Variants in MCF2L2 observed in about 807,000 individuals in gnomAD.
The protein encoded by MCF2L2 is MCF.2 cell line derived transforming sequence-like 2, also known as probable guanine nucleotide exchange factor MCF2L2.
In MCF2L2, 102 loss-of-function variants were observed where a neutral mutation model predicts 150.2. The ratio of observed to expected loss-of-function variants is 0.68; its 90% CI spans 0.58 to 0.80. MCF2L2 has a LOEUF of 0.80. MCF2L2 is among the 30% of genes least tolerant of loss of function. The pLI is 0.00. For missense variants in MCF2L2, 1,256 were observed against 1,372.8 expected (o/e 0.91, Z 1.34); for synonymous variants, 465 against 491.3 (o/e 0.95, Z 0.71).
At chr3:183,355,592 G>A (rs1183477784) in intron 3 of MCF2L2, among the ~76,000 whole-genome samples, 8 of 141,276 alleles carry the variant, frequency 5.7e-5, no homozygotes, top group East Asian at 4.1e-4. Context: ...GACTACAGGC[G>A]CCCGCCACCA....
chr3:183,386,141 A>T (rs1225182216), intron 2 of MCF2L2, among the ~76,000 whole-genome samples: 1 of 152,212 alleles, frequency 6.6e-6, no homozygotes, highest in Non-Finnish European at 1.5e-5. Context: ...TGCTGAGTGA[A>T]ACTTTTCTTC....
intron 15 of MCF2L2, among the ~76,000 whole-genome samples, chr3:183,247,029 T>C (rs554908382): frequency 4.6e-5 from 7 of 152,310 alleles, no homozygotes; most frequent in African/African-American, 1.7e-4. Context: ...TGCAAGCAAG[T>C]GAATTCTCAA....
At chr3:183,272,700 A>G in intron 15 of MCF2L2, 1 of 1,014,584 alleles carries the variant, frequency 9.9e-7, no homozygotes, top group Non-Finnish European at 1.2e-6. Context: ...CATAGAGAAC[A>G]AAAGCATATT....
intron 5 of MCF2L2, among the ~76,000 whole-genome samples, chr3:183,326,053 AGTTTT>A (rs1730010874): frequency 6.6e-6 from 1 of 152,208 alleles, no homozygotes; most frequent in African/African-American, 2.4e-5. Flanking sequence ...GAGTCACATA[AGTTTT>A]GTCAGTTTCA....
At chr3:183,216,241 A>C in intron 21 of MCF2L2, 147 bp from the exon 22 acceptor site, 1 of 872,334 alleles carries the variant, frequency 1.1e-6, no homozygotes, top group Non-Finnish European at 1.8e-6. Context: ...CTCCCAAAGC[A>C]TGGTGGCTAA....
intron 25 of MCF2L2, among the ~76,000 whole-genome samples, chr3:183,198,276 A>AT (rs1418669205): frequency 1.0e-3 from 153 of 152,376 alleles, no homozygotes; most frequent in African/African-American, 3.5e-3. Context: ...TATTGTTTAC[A>AT]AAATCCAAAT....
intron 15 of MCF2L2, among the ~76,000 whole-genome samples, chr3:183,242,542 C>T (rs1178579434): frequency 3.9e-5 from 6 of 152,336 alleles, no homozygotes; most frequent in Non-Finnish European, 8.8e-5. Flanking sequence ...GCCTTGGTGG[C>T]TTACACGTAG....
chr3:183,369,021 A>C (rs1381269142), intron 3 of MCF2L2, among the ~76,000 whole-genome samples: 1 of 152,204 alleles, frequency 6.6e-6, no homozygotes, highest in Non-Finnish European at 1.5e-5. Flanking sequence ...TGGTACTAGA[A>C]TCCTTCCCCA....
intron 1 of MCF2L2, among the ~76,000 whole-genome samples, chr3:183,407,097 AT>A (rs1286058513): frequency 1.3e-5 from 2 of 152,214 alleles, no homozygotes; most frequent in Non-Finnish European, 2.9e-5. Flanking sequence ...TTCCAGCACC[AT>A]TTGTTGAAAT....
chr3:183,339,057 A>C, intron 4 of MCF2L2, 138 bp from the exon 5 acceptor site: 7 of 808,104 alleles, frequency 8.7e-6, no homozygotes, highest in Non-Finnish European at 1.2e-5. Context: ...TGTAAATTTC[A>C]CCAGATTTCA....
chr3:183,183,514 T>C (rs1272588887), intron 27 of MCF2L2, among the ~76,000 whole-genome samples: 1 of 152,062 alleles, frequency 6.6e-6, no homozygotes, highest in Non-Finnish European at 1.5e-5. Context: ...TGCTCTGGAG[T>C]CAGTCAGACC....
At chr3:183,219,986 G>A (rs1576933467) in intron 20 of MCF2L2, 62 bp from the exon 21 acceptor site, 1 of 1,229,630 alleles carries the variant, frequency 8.1e-7, no homozygotes, top group Non-Finnish European at 1.2e-6. Context: ...AATGTAGATT[G>A]TCAACAAAAT....
At chr3:183,391,109 CCTCT>C (rs1209646603) in intron 1 of MCF2L2, among the ~76,000 whole-genome samples, 2 of 152,022 alleles carry the variant, frequency 1.3e-5, no homozygotes, top group African/African-American at 4.8e-5. Context: ...TTGGGAAGGT[CCTCT>C]CTGAGTCTTG....
intron 2 of MCF2L2, 62 bp from the exon 3 acceptor site, chr3:183,379,473 G>T (rs1713390605): frequency 2.6e-5 from 29 of 1,112,858 alleles, no homozygotes; most frequent in Non-Finnish European, 3.9e-5. Flanking sequence ...CCTCTGCAGG[G>T]AAGTTGGGCG....
At chr3:183,207,417 G>A (rs1216292198) in intron 23 of MCF2L2, among the ~76,000 whole-genome samples, 191 bp downstream of exon 23, 1 of 152,200 alleles carries the variant, frequency 6.6e-6, no homozygotes, top group Non-Finnish European at 1.5e-5. Flanking sequence ...GCACTCCTAT[G>A]CCAGCCCTGG....
chr3:183,425,993 A>G (rs1325863875), intron 1 of MCF2L2, among the ~76,000 whole-genome samples: 1 of 152,124 alleles, frequency 6.6e-6, no homozygotes, highest in Non-Finnish European at 1.5e-5. Context: ...CTCTGAGTCA[A>G]TTCCTTCATT....
At chr3:183,209,856 C>T (rs1436404645) in intron 22 of MCF2L2, among the ~76,000 whole-genome samples, 1 of 151,624 alleles carries the variant, frequency 6.6e-6, no homozygotes, top group Non-Finnish European at 1.5e-5. Context: ...TGTCATGAAA[C>T]ATAAATGAAT....
At chr3:183,386,429 A>T (rs1713836508) in intron 2 of MCF2L2, among the ~76,000 whole-genome samples, 1 of 152,174 alleles carries the variant, frequency 6.6e-6, no homozygotes, top group South Asian at 2.1e-4. Context: ...GCCGCAAACC[A>T]TCGGGCCACA....
intron 22 of MCF2L2, 65 bp downstream of exon 22, chr3:183,215,904 T>C: frequency 1.3e-6 from 2 of 1,516,628 alleles, no homozygotes; most frequent in African/African-American, 1.4e-5. Flanking sequence ...CCAGAGCATT[T>C]CCTCACTGTG....
Sources: gnomAD v4.1 joint callset for allele counts (sites outside exome capture counted in the v4.1 genomes callset) on GRCh38, gnomAD v4.1.1 for gene constraint, MANE v1.5 for transcripts, NCBI Gene and HGNC (gene_info 2026-07-23, HGNC 2026-07-21) for gene names.